The following XKR6 variants were observed in gnomAD, a reference collection of about 807,000 sequenced individuals.
The protein encoded by XKR6 is XK-related protein 6.
XKR6 carries 22 observed loss-of-function variants against 56.7 expected under a neutral mutation model. The ratio of observed to expected loss-of-function variants is 0.39; its 90% confidence interval spans 0.28 to 0.55. The LOEUF (loss-of-function observed/expected upper bound fraction) is 0.55. Among genes scored for constraint, XKR6 ranks in the 20% least tolerant of loss-of-function variants. The pLI is 0.66. For synonymous variants in XKR6, 524 were observed against 387.8 expected, an observed-to-expected ratio of 1.35 and a Z score of -4.13; for missense variants, 852 against 889.0, an observed-to-expected ratio of 0.96 and a Z score of 0.53.
At chr8:11,153,118 C>G (rs1325288309) in intron 1 of XKR6, among the ~76,000 whole-genome samples, 1 of 152,180 alleles carries the variant, frequency 6.6e-6, no homozygotes, top group Non-Finnish European at 1.5e-5. Flanking sequence ...TGCCAACATT[C>G]ACAGTTTAAT....
intron 1 of XKR6, among the ~76,000 whole-genome samples, chr8:11,021,438 A>AC (rs1486399150): frequency 1.3e-5 from 2 of 152,230 alleles, no homozygotes; most frequent in Non-Finnish European, 2.9e-5. Flanking sequence ...GGACAGAGAC[A>AC]CTGCCTTGTT....
intron 1 of XKR6, among the ~76,000 whole-genome samples, chr8:11,005,643 C>T (rs1012575608): frequency 6.6e-6 from 1 of 151,836 alleles, no homozygotes; most frequent in Non-Finnish European, 1.5e-5. Context: ...ACGATGTGTT[C>T]GTTAAGGAAA....
In XKR6 at chr8:10,926,321, C is replaced by T. The variant is rs994558668; in HGVS notation, c.765-1491G>A. ...CCCCAGAACAACCCATTCTTCACGC[C>T]GCTACTAAGCCACAAGGGTGACCTC... On this transcript the variant is annotated intron_variant, in intron 1 of 2. Transcript: ENST00000416569. 2.6e-5 allele frequency among the ~76,000 whole-genome samples: 4 copies of T among 152,310 alleles called. No homozygotes were observed. The East Asian group carries it at 5.8e-4, about 22-fold the overall frequency.
chr8:10,916,930 A>G (rs1800579734), intron 2 of XKR6, among the ~76,000 whole-genome samples: 1 of 152,252 alleles, frequency 6.6e-6, no homozygotes, highest in African/African-American at 2.4e-5. Context: ...TTGAGAAAGA[A>G]GAAAACTAGC....
In XKR6 at chr8:11,154,621, C is replaced by G. The variant is rs141548733; in HGVS notation, c.764+45955G>C. On this transcript the variant is annotated intron_variant, in intron 1 of 2. Transcript: ENST00000416569. ...AGTTGGTGTGAGAAGTGAGAGTAGT[C>G]TTGGAAATCACACCTCACAACTCAC... 5.6e-4 allele frequency among the ~76,000 whole-genome samples: 86 copies of G among 152,318 alleles called. 1 individual carries two copies. The highest frequency in any genetic ancestry group is 9.3e-4 in the Non-Finnish European group (63 of 68,032).
intron 1 of XKR6, among the ~76,000 whole-genome samples, chr8:11,098,387 A>T (rs13273857): frequency 0.31 from 47,761 of 151,834 alleles, 8,297 homozygotes; most frequent in Non-Finnish European, 0.4. Flanking sequence ...GACCCAGTGG[A>T]CTCGGTGAAC....
intron 2 of XKR6, among the ~76,000 whole-genome samples, chr8:10,906,433 G>A (rs1265387750): frequency 6.6e-6 from 1 of 152,146 alleles, no homozygotes; most frequent in African/African-American, 2.4e-5. Flanking sequence ...GCACTACCTG[G>A]TTATCAGTCA....
chr8:11,061,551 G>A (rs1311552618), intron 1 of XKR6, among the ~76,000 whole-genome samples: 1 of 152,186 alleles, frequency 6.6e-6, no homozygotes, highest in East Asian at 1.9e-4. Flanking sequence ...CCATGTTGCA[G>A]AAGCACAGGC....
At chr8:10,912,650 GTCTATA>G (rs36206870) in intron 2 of XKR6, among the ~76,000 whole-genome samples, 66,805 of 140,486 alleles carry the variant, frequency 0.48, 16,785 homozygotes, top group African/African-American at 0.61. Context: ...GAAAGAGGGT[GTCTATA>G]TGTGTGTCTA....
At chr8:11,050,208 C>G (rs191689033) in intron 1 of XKR6, among the ~76,000 whole-genome samples, 3 of 152,274 alleles carry the variant, frequency 2.0e-5, no homozygotes, top group Non-Finnish European at 4.4e-5. Context: ...CAGAGACAAG[C>G]GTGCCAGATA....
chr8:11,200,194 G>A lies in XKR6; in HGVS notation c.764+382C>T, dbSNP rs1563215808. On this transcript the variant is annotated intron_variant, in intron 1 of 2. Coordinates refer to ENST00000416569, the MANE Select transcript of XKR6 (RefSeq NM_173683.4). The surrounding 1 kb of genome is among the most constrained non-coding windows in gnomAD (Gnocchi z 6.4). Reference sequence around the variant, plus strand: ...ACAAACCCGAATGCAGCGGCTGGAGGAGGGAAGGCTCCCCGGGGCCGCGAG... The same window carrying A: ...ACAAACCCGAATGCAGCGGCTGGAGAAGGGAAGGCTCCCCGGGGCCGCGAG... 1.3e-5 allele frequency among the ~76,000 whole-genome samples: 2 copies of A among 152,222 alleles called. No individual in the cohort carries two copies. Among genetic ancestry groups the A allele is most frequent in the South Asian group, 4.1e-4 (2 of 4,832 alleles).
intron 1 of XKR6, among the ~76,000 whole-genome samples, chr8:11,046,374 T>C (rs1337616241): frequency 1.3e-5 from 2 of 151,922 alleles, no homozygotes; most frequent in Non-Finnish European, 2.9e-5. Flanking sequence ...CATCCCAGCC[T>C]GGGCAACAGA....
chr8:10,979,673 C>A (rs985117650), intron 1 of XKR6, among the ~76,000 whole-genome samples: 1 of 152,210 alleles, frequency 6.6e-6, no homozygotes, highest in Admixed American at 6.5e-5. Context: ...CTGCAGGTCC[C>A]TTGTGGACAA....
chr8:11,077,441 G>A (rs1800303207), intron 1 of XKR6, among the ~76,000 whole-genome samples: 1 of 152,294 alleles, frequency 6.6e-6, no homozygotes, highest in Admixed American at 6.5e-5. Flanking sequence ...CAAGCACTTT[G>A]AGTATGAGAC....
chr8:10,916,196 C>T (rs1290887296), intron 2 of XKR6, among the ~76,000 whole-genome samples: 1 of 152,188 alleles, frequency 6.6e-6, no homozygotes, highest in Non-Finnish European at 1.5e-5. Context: ...TATGCAATGT[C>T]GTTTGACGTA....
chr8:11,184,960 G>C (rs1024679661), intron 1 of XKR6, among the ~76,000 whole-genome samples: 1 of 152,154 alleles, frequency 6.6e-6, no homozygotes, highest in South Asian at 2.1e-4. Flanking sequence ...CCATCATTTA[G>C]TTACACAGTT....
At chr8:11,127,779 G>A (rs1478629742) in intron 1 of XKR6, among the ~76,000 whole-genome samples, 15 of 152,268 alleles carry the variant, frequency 9.9e-5, no homozygotes, top group Admixed American at 9.1e-4. Flanking sequence ...ATATTTATAG[G>A]TCTGGGGATT....
At chr8:11,178,547 A>ATATATATATATATATATATATATATGT (rs1802779230) in intron 1 of XKR6, among the ~76,000 whole-genome samples, 1 of 88,504 alleles carries the variant, frequency 1.1e-5, no homozygotes, top group Non-Finnish European at 2.2e-5. Context: ...GAGAGGTAAA[A>ATATATATATATATATATATATATATGT]ATATATATAT....
At chr8:11,056,509 G>A (rs930663679) in intron 1 of XKR6, among the ~76,000 whole-genome samples, 1 of 152,100 alleles carries the variant, frequency 6.6e-6, no homozygotes, top group Non-Finnish European at 1.5e-5. Context: ...CACTTGGTTT[G>A]GAGATGTTCA....
Sources: gnomAD v4.1 joint callset for allele counts (sites outside exome capture counted in the v4.1 genomes callset) on GRCh38, gnomAD v4.1.1 for gene constraint, Gnocchi (gnomAD v3.1) non-coding constraint, MANE v1.5 for transcripts, NCBI Gene and HGNC (gene_info 2026-07-23, HGNC 2026-07-21) for gene names.